The following CACNA1A variants were observed in gnomAD, a reference collection of about 807,000 sequenced individuals.
CACNA1A encodes calcium voltage-gated channel subunit alpha1 A, also known as voltage-dependent P/Q-type calcium channel subunit alpha-1A.
In CACNA1A, 57 loss-of-function variants were observed where a neutral mutation model predicts 262.4. The ratio of observed to expected loss-of-function variants is 0.22; its 90% CI spans 0.18 to 0.27. The LOEUF (loss-of-function observed/expected upper bound fraction) is 0.27. CACNA1A is among the 10% of genes least tolerant of loss of function. The pLI is 1.00. For synonymous variants in CACNA1A, 1,431 were observed against 1,419.3 expected, an observed-to-expected ratio of 1.01 and a Z score of -0.18; for missense variants, 2,526 against 3,562.8, an observed-to-expected ratio of 0.71 and a Z score of 7.41.
chr19:13,249,583 G>A (rs1381085084), intron 30 of CACNA1A, among the ~76,000 whole-genome samples: 2 of 152,044 alleles, frequency 1.3e-5, no homozygotes, highest in African/African-American at 2.4e-5. Context: ...TCAGACTCCT[G>A]GGCTCAAGCG....
rs928691437 is a variant in CACNA1A, at chr19:13,210,661, G to C, written c.6304-9C>G. 6.4e-7 allele frequency: 1 copy of C among 1,561,692 alleles called. No homozygotes were observed. The highest frequency in any genetic ancestry group is 8.7e-7 in the Non-Finnish European group (1 of 1,154,054). On this transcript the variant is annotated splice_polypyrimidine_tract_variant and intron_variant, in intron 43 of 46. Coordinates refer to ENST00000360228, the MANE Select transcript of CACNA1A (RefSeq NM_001127222.2). The stretch of plus-strand genomic sequence containing the variant: ...GGCCGGCCCCTTCTCCTCTGTCACA[G>C]CCCCATGGGATGGTGCACACAGAAA...
At chr19:13,296,329 C>A (rs548595234) in intron 19 of CACNA1A, among the ~76,000 whole-genome samples, 1 of 152,226 alleles carries the variant, frequency 6.6e-6, no homozygotes, top group South Asian at 2.1e-4. Context: ...TTAAAAAAAT[C>A]AATATTATGC....
intron 20 of CACNA1A, among the ~76,000 whole-genome samples, chr19:13,286,096 T>A (rs1394688718): frequency 6.6e-6 from 1 of 151,922 alleles, no homozygotes; most frequent in Non-Finnish European, 1.5e-5. Context: ...GCCCCTTTTT[T>A]AATGTGGCGA....
rs2057604124 is a variant in CACNA1A at position 13,294,052 on chromosome 19, A to G, written c.3089+4492T>C. Among the ~76,000 whole-genome samples the G allele has an allele frequency of 2.6e-5, 4 of 152,232 alleles. No homozygotes were observed. The South Asian group carries it at 6.2e-4, about 24-fold the overall frequency. On this transcript the variant is annotated intron_variant, in intron 19 of 46. Transcript: ENST00000360228. ...TTCAATAACAGTAGATCTGTTAATA[A>G]GGCTGATAATAACAGTAATATTAGT...
intron 3 of CACNA1A, among the ~76,000 whole-genome samples, chr19:13,380,904 G>T (rs2059513507): frequency 6.6e-6 from 1 of 151,846 alleles, no homozygotes; most frequent in South Asian, 2.1e-4. Context: ...CTCCTAAGTA[G>T]CTGGGACTAC....
intron 3 of CACNA1A, among the ~76,000 whole-genome samples, chr19:13,420,257 T>A (rs1299131342): frequency 6.6e-6 from 1 of 151,250 alleles, no homozygotes; most frequent in South Asian, 2.1e-4. Context: ...AAAGGCTCGC[T>A]CTCTCTCTCA....
At chr19:13,421,182 T>G (rs946238829) in intron 3 of CACNA1A, among the ~76,000 whole-genome samples, 4 of 152,212 alleles carry the variant, frequency 2.6e-5, no homozygotes. Context: ...TGAGTGACTT[T>G]GTGGAAGTGA....
In CACNA1A at chr19:13,242,071, T is replaced by C. The variant is rs567274752; in HGVS notation, c.4950+3111A>G. Among the ~76,000 whole-genome samples, 3 of 152,268 alleles carry C rather than the reference T, an allele frequency of 2.0e-5. No homozygotes were observed. In the East Asian group the frequency reaches 5.8e-4, roughly 29 times the overall value. Reference sequence around the variant, plus strand: ...TGAGACCTCCTTGCCTGCCAGGACATGCCTCTCCCTACTCCAGGTTGGGAG... The same window carrying C: ...TGAGACCTCCTTGCCTGCCAGGACACGCCTCTCCCTACTCCAGGTTGGGAG... On this transcript the variant is annotated intron_variant, in intron 31 of 46. Coordinates refer to ENST00000360228, the MANE Select transcript of CACNA1A (RefSeq NM_001127222.2).
chr19:13,341,320 TGTG>T (rs2058672316), intron 6 of CACNA1A, among the ~76,000 whole-genome samples: 1 of 17,684 alleles, frequency 5.7e-5, no homozygotes. Flanking sequence ...CTTGATGGTC[TGTG>T]GCCCAGCTGA....
chr19:13,232,817 G>A (rs2055718698), intron 34 of CACNA1A, among the ~76,000 whole-genome samples: 1 of 151,610 alleles, frequency 6.6e-6, no homozygotes, highest in African/African-American at 2.4e-5. Context: ...GGGTGGCTGA[G>A]GCGGGTGGAT....
At chr19:13,434,835 G>A (rs954922704) in intron 3 of CACNA1A, among the ~76,000 whole-genome samples, 26 of 151,972 alleles carry the variant, frequency 1.7e-4, no homozygotes, top group Middle Eastern at 3.2e-3. Flanking sequence ...TGTCGCCCAG[G>A]CTGGAGTGCA....
At chr19:13,413,376 G>T (rs2060150332) in intron 3 of CACNA1A, among the ~76,000 whole-genome samples, 1 of 150,124 alleles carries the variant, frequency 6.7e-6, no homozygotes, top group Non-Finnish European at 1.5e-5. Context: ...AAAGTGCTGG[G>T]ATTACAGGTG....
chr19:13,329,945 T>C (rs1479584448), intron 10 of CACNA1A, among the ~76,000 whole-genome samples: 1 of 152,180 alleles, frequency 6.6e-6, no homozygotes, highest in Non-Finnish European at 1.5e-5. Context: ...CCATGAATAC[T>C]TCCCGAATGA....
intron 10 of CACNA1A, among the ~76,000 whole-genome samples, chr19:13,324,712 T>TCAA (rs77586684): frequency 2.1e-4 from 32 of 151,786 alleles, no homozygotes; most frequent in Non-Finnish European, 4.1e-4. Flanking sequence ...AACAACAACA[T>TCAA]CAACAACAAC....
chr19:13,381,408 A>G (rs991894361), intron 3 of CACNA1A, among the ~76,000 whole-genome samples: 4 of 147,656 alleles, frequency 2.7e-5, no homozygotes, highest in African/African-American at 7.3e-5. Flanking sequence ...CTTAAGAGAT[A>G]AAAGATATTT....
rs546205548 is a variant in CACNA1A at position 13,303,759 on chromosome 19, A to G, written c.2104+8T>C. The G allele has an allele frequency of 6.2e-7, 1 of 1,600,368 alleles. No individual in the cohort carries two copies. The highest frequency in any genetic ancestry group is 1.1e-5 in the South Asian group (1 of 90,770). On this transcript the variant is annotated splice_region_variant and intron_variant, in intron 16 of 46. Coordinates refer to ENST00000360228, the MANE Select transcript of CACNA1A (RefSeq NM_001127222.2). ...GCCTGTCCCCTTCTCTCTCTCCATG[A>G]AGGATACAGTTCCCAAAGAGCGTCA... is the stretch of plus-strand genomic sequence containing the variant.
At chr19:13,342,950 G>A (rs1376368327) in intron 6 of CACNA1A, among the ~76,000 whole-genome samples, 1 of 151,974 alleles carries the variant, frequency 6.6e-6, no homozygotes, top group African/African-American at 2.4e-5. Context: ...GTAGAGAGGG[G>A]GTCTCTGTTG....
chr19:13,329,070 CA>C (rs1471580117), intron 10 of CACNA1A, among the ~76,000 whole-genome samples: 3 of 152,110 alleles, frequency 2.0e-5, no homozygotes, highest in Non-Finnish European at 2.9e-5. Context: ...AACAAAAACC[CA>C]TTAAAGAACA....
intron 3 of CACNA1A, among the ~76,000 whole-genome samples, chr19:13,376,478 C>T (rs991198534): frequency 2.0e-5 from 3 of 151,428 alleles, no homozygotes; most frequent in Admixed American, 6.6e-5. Flanking sequence ...AATGACAGCC[C>T]GTCTGTTTAT....
Sources: allele counts gnomAD v4.1 joint callset (sites outside exome capture counted in the v4.1 genomes callset), GRCh38; gene constraint gnomAD v4.1.1; transcripts MANE v1.5; gene names NCBI Gene and HGNC (gene_info 2026-07-23, HGNC 2026-07-21).